Variants in PPL observed in about 807,000 individuals in gnomAD.
PPL encodes the protein 190 kDa paraneoplastic pemphigus antigen.
A neutral mutation model predicts 194.4 loss-of-function variants in PPL; 198 were observed. The ratio of observed to expected loss-of-function variants is 1.02; its 90% CI spans 0.91 to 1.15. The LOEUF (loss-of-function observed/expected upper bound fraction) is 1.15, where lower values mean the gene tolerates loss of function less well. PPL is among the 50% of genes most tolerant of loss of function. The probability of loss-of-function intolerance (pLI) is 0.00; values close to 1 mark genes in which losing one functional copy is unlikely to be tolerated. For synonymous variants in PPL, 1,220 were observed against 972.4 expected (o/e 1.25, Z -4.74); for missense variants, 2,885 against 2,294.8 (o/e 1.26, Z -5.25).
At chr16:4,897,646 C>A in intron 9 of PPL, 29 bp downstream of exon 9, 2 of 1,577,930 alleles carry the variant, frequency 1.3e-6, no homozygotes, top group Non-Finnish European at 8.7e-7. Context: ...ACCCCCGGTG[C>A]TGGGGGGACT....
chr16:4,909,818 T>C (rs375314477), intron 2 of PPL, among the ~76,000 whole-genome samples: 4 of 152,216 alleles, frequency 2.6e-5, no homozygotes, highest in South Asian at 2.1e-4. Context: ...AAACAATAAA[T>C]AATGTTTTAG....
Position 4,890,286 on chromosome 16 carries a change from G to T in PPL, c.2211C>A (p.Arg737=). The T allele has an allele frequency of 6.2e-7, 1 of 1,614,168 alleles. No individual in the cohort carries two copies. The highest frequency in any genetic ancestry group is 8.5e-7 in the Non-Finnish European group (1 of 1,180,040). The change falls in exon 18 of 22, where the codon CGC becomes CGA. Residue 737 remains arginine, a synonymous_variant. Transcript: ENST00000345988. ...GGAACTGCAGCACGTGGTCATGGCC[G>T]CGGTGGAAGTGCTCGTAGGCTGCCT... ...SAKAAYEHFH[R]GHDHVLQFLV... is the part of the protein sequence containing the mutation.
At chr16:4,901,228 G>T in intron 4 of PPL, 139 bp from the exon 5 acceptor site, 1 of 919,500 alleles carries the variant, frequency 1.1e-6, no homozygotes, top group Non-Finnish European at 1.6e-6. Flanking sequence ...GGAGATGCTG[G>T]CCACACCTTC....
At chr16:4,888,677 A>G (rs1223430883) in intron 19 of PPL, 2 of 431,224 alleles carry the variant, frequency 4.6e-6, no homozygotes, top group East Asian at 7.2e-5. Flanking sequence ...TTGCTATTGT[A>G]AATAGTGCTG....
intron 1 of PPL, among the ~76,000 whole-genome samples, chr16:4,921,979 G>A (rs2089059208): frequency 6.6e-6 from 1 of 152,114 alleles, no homozygotes; most frequent in South Asian, 2.1e-4. Context: ...GATGCTCCAC[G>A]TGGGCAGAGA....
chr16:4,908,170 A>C (rs2088739112), intron 2 of PPL, among the ~76,000 whole-genome samples: 1 of 150,854 alleles, frequency 6.6e-6, no homozygotes, highest in East Asian at 2.0e-4. Context: ...TCCAAAAAAA[A>C]AAAAAAAAAA....
chr16:4,890,827 C>A lies in PPL; in HGVS notation c.2063G>T (p.Ser688Ile). The A allele has an allele frequency of 6.3e-7, 1 of 1,585,532 alleles. No individual in the cohort carries two copies. Among genetic ancestry groups the A allele is most frequent in the South Asian group, 1.1e-5 (1 of 87,656 alleles). ...AAKQCSSTLA[S>I]RFQEHCPDLE... ...GTCCGGACAGTGCTCCTGGAAGCGG[C>A]TGGCCAGTGTGCTCGAGCACTGCTT... Residue 688 changes from serine to isoleucine, a missense_variant, in exon 17 of 22, where the codon AGC (serine) becomes ATC (isoleucine). Ser to Ile is a moderately radical substitution (Grantham distance 142, BLOSUM62 -2). Coordinates refer to ENST00000345988, the MANE Select transcript of PPL (RefSeq NM_002705.5).
In PPL at chr16:4,901,169, G is replaced by A. The variant is rs531152939; in HGVS notation, c.439-80C>T. 3.3e-6 allele frequency: 5 copies of A among 1,507,484 alleles called. No individual in the cohort carries two copies. In the South Asian group the frequency reaches 6.2e-5, roughly 19 times the overall value. 93.4% of individuals were successfully genotyped at this position (1,507,484 alleles called of 1,614,324 possible). On this transcript the variant is annotated intron_variant, in intron 4 of 21. Coordinates refer to ENST00000345988, the MANE Select transcript of PPL (RefSeq NM_002705.5). ...GTGTGGCCACCCCAGGAGCCTCGGG[G>A]GTGGGCATGATGGTGCTCTCTTTTT...
At chr16:4,901,653 C>T (rs1420754238) in intron 4 of PPL, among the ~76,000 whole-genome samples, 4 of 150,714 alleles carry the variant, frequency 2.7e-5, no homozygotes, top group Non-Finnish European at 4.4e-5. Flanking sequence ...CATGCCACTG[C>T]ATTCCAGCCT....
chr16:4,913,966 G>A (rs898214137), intron 1 of PPL, among the ~76,000 whole-genome samples: 13 of 152,328 alleles, frequency 8.5e-5, no homozygotes, highest in African/African-American at 2.4e-4. Flanking sequence ...AAACAGTCAC[G>A]AGACTGAGGC....
At position 4,893,531 on chromosome 16, in the gene PPL, T is replaced by A. The variant is rs374187919; in HGVS notation, c.1492+10A>T. The A allele has an allele frequency of 3.5e-5, 57 of 1,611,854 alleles. No homozygotes were observed. In the Middle Eastern group the frequency reaches 4.9e-4, roughly 14 times the overall value. ...CCCCAGAGCCTCAGGCGAGTGGCCC[T>A]GGCACCCACCTCCGGGATTCTCGGT... On this transcript the variant is annotated intron_variant, in intron 13 of 21. Coordinates refer to ENST00000345988, the MANE Select transcript of PPL (RefSeq NM_002705.5).
chr16:4,883,807 C>A lies in PPL; in HGVS notation c.4848G>T (p.Glu1616Asp). ...GCCTCTTGAGGTCATCCAGTTCCCT[C>A]TCCAGGGACCACAGTCTGGAGTCAT... The part of the protein sequence containing the change: ...TNHDSRLWSL[E>D]RELDDLKRLS... Residue 1616 changes from glutamate to aspartate, a missense_variant, in exon 22 of 22, where the codon GAG becomes GAT. Transcript: ENST00000345988. This position sits in a 1 kb window ranked among gnomAD's most constrained non-coding sequence, Gnocchi z 4.8. The A allele has an allele frequency of 1.2e-6, 2 of 1,614,180 alleles. No homozygotes were observed. Among genetic ancestry groups the A allele is most frequent in the Non-Finnish European group, 1.7e-6 (2 of 1,180,040 alleles).
chr16:4,902,526 A>G lies in PPL; in HGVS notation c.318T>C (p.Asp106=), dbSNP rs202220598. The change falls in exon 4 of 22, where the codon GAT becomes GAC. Residue 106 remains aspartate, a splice_region_variant and synonymous_variant. Coordinates refer to ENST00000345988, the MANE Select transcript of PPL (RefSeq NM_002705.5). This position sits in a 1 kb window ranked among gnomAD's most constrained non-coding sequence, Gnocchi z 4.0. ...KHPQGDMIAE[D]IRQLKERVTN... is the part of the protein sequence containing the mutation. ...TCACACGCTCCTTCAGCTGGCGGAT[A>G]CTGATGGGAGAGAGGCTCCCACTTA... 541 of 1,613,120 alleles carry G rather than the reference A, an allele frequency of 3.4e-4. No homozygotes were observed. The highest frequency in any genetic ancestry group is 4.2e-4 in the Non-Finnish European group (497 of 1,179,546).
At chr16:4,926,631 T>G (rs1434740901) in intron 1 of PPL, among the ~76,000 whole-genome samples, 2 of 152,064 alleles carry the variant, frequency 1.3e-5, no homozygotes, top group Admixed American at 6.5e-5. Flanking sequence ...ATCCCAGCAC[T>G]TTGGGAGGCC....
chr16:4,890,567 A>G (rs2088299853), intron 17 of PPL, among the ~76,000 whole-genome samples, 161 bp downstream of exon 17: 1 of 152,234 alleles, frequency 6.6e-6, no homozygotes, highest in South Asian at 2.1e-4. Flanking sequence ...GACCCAGGTA[A>G]GCATGACTCA....
At chr16:4,897,904 G>A (rs1027684506) in intron 8 of PPL, 134 bp from the exon 9 acceptor site, 1 of 666,566 alleles carries the variant, frequency 1.5e-6, no homozygotes. Context: ...GGCTACCACA[G>A]GGGTAGCCAG....
At chr16:4,917,841 G>A (rs1025460432) in intron 1 of PPL, among the ~76,000 whole-genome samples, 4 of 152,114 alleles carry the variant, frequency 2.6e-5, no homozygotes, top group Non-Finnish European at 5.9e-5. Context: ...GGTTGAGGCT[G>A]CAGTGAGCCG....
Position 4,890,321 on chromosome 16 carries a change from G to A in PPL, c.2176C>T (p.Gln726Ter), listed in dbSNP as rs760764102. The A allele has an allele frequency of 1.2e-6, 2 of 1,613,570 alleles. No homozygotes were observed. Among genetic ancestry groups the A allele is most frequent in the Non-Finnish European group, 1.7e-6 (2 of 1,179,842 alleles). The stretch of plus-strand genomic sequence containing the variant: ...TGCTCGTAGGCTGCCTTGGCGCTCT[G>A]TAGGCTCTGCGCCCTGTCAAGGCAA... ...QQVERRAQSL[Q>*]SAKAAYEHFH... is the part of the protein sequence containing the mutation. Residue 726 changes from glutamine to a stop codon, truncating the protein, a stop_gained, in exon 18 of 22, where the codon CAG becomes TAG. Coordinates refer to ENST00000345988, the MANE Select transcript of PPL (RefSeq NM_002705.5). LOFTEE classifies it high-confidence loss of function.
chr16:4,899,745 A>G (rs1005175073), intron 6 of PPL, among the ~76,000 whole-genome samples: 1 of 152,232 alleles, frequency 6.6e-6, no homozygotes, highest in African/African-American at 2.4e-5. Flanking sequence ...GGAAGATGAC[A>G]GTCCTGACCT....
Sources: allele counts gnomAD v4.1 joint callset (sites outside exome capture counted in the v4.1 genomes callset), GRCh38; gene constraint gnomAD v4.1.1; non-coding constraint Gnocchi (gnomAD v3.1); transcripts MANE v1.5; gene names NCBI Gene and HGNC (gene_info 2026-07-23, HGNC 2026-07-21).